TTC39A: variants seen among roughly 807,000 people sequenced by gnomAD.
TTC39A encodes tetratricopeptide repeat protein 39A.
Under a neutral mutation model 82.3 loss-of-function variants are expected in TTC39A, and 46 were observed. The ratio of observed to expected loss-of-function variants is 0.56; its 90% CI spans 0.44 to 0.71. TTC39A has a LOEUF of 0.71. TTC39A is among the 30% of genes least tolerant of loss of function. The probability of loss-of-function intolerance (pLI) is 0.00; values close to 1 mark genes in which losing one functional copy is unlikely to be tolerated. For synonymous variants in TTC39A, 254 were observed against 275.2 expected (o/e 0.92, Z 0.76); for missense variants, 543 against 712.9 (o/e 0.76, Z 2.71).
At chr1:51,332,062 CT>C (rs1645918941), upstream of TTC39A, among the ~76,000 whole-genome samples, 1 of 152,196 alleles carries the variant, frequency 6.6e-6, no homozygotes, top group Non-Finnish European at 1.5e-5. Flanking sequence ...TTTAAACATG[CT>C]GTTCCCTCTG....
At position 51,321,770 on chromosome 1, in the gene TTC39A, G is replaced by A. The variant is rs369426646; in HGVS notation, c.97C>T (p.Leu33Phe). The change falls in exon 2 of 18, where the codon CTC becomes TTC. Residue 33 changes from leucine (L) to phenylalanine (F), a missense_variant. Coordinates refer to ENST00000680483, the MANE Select transcript of TTC39A (RefSeq NM_001297663.2). This position sits in a 1 kb window ranked among gnomAD's most constrained non-coding sequence, Gnocchi z 4.6. ...ALDQCMTALD[L>F]FLTNQFSEAL... Reference sequence around the variant, plus strand: ...TCTGAGAACTGGTTGGTGAGGAAGAGGTCCAGGGCGGTCATGCACTGGTCC... The same window carrying A: ...TCTGAGAACTGGTTGGTGAGGAAGAAGTCCAGGGCGGTCATGCACTGGTCC... The A allele has an allele frequency of 1.9e-6, 3 of 1,613,860 alleles. No individual in the cohort carries two copies. The highest frequency in any genetic ancestry group is 2.5e-6 in the Non-Finnish European group (3 of 1,179,898).
chr1:51,338,456 G>C (rs1354586037), intron 1 of TTC39A, among the ~76,000 whole-genome samples: 1 of 152,064 alleles, frequency 6.6e-6, no homozygotes, highest in Non-Finnish European at 1.5e-5. Flanking sequence ...AAGGGAAAGA[G>C]AACATTCTAG....
rs550479108 is a variant in TTC39A at position 51,316,123 on chromosome 1, G to A, written c.147-3180C>T. ...TTGCTTGTTTCACCATTTCCCTGCTGGACCCTGAGAACAGCCCACGTCTTG... is the reference window on the plus strand; with the variant it reads ...TTGCTTGTTTCACCATTTCCCTGCTAGACCCTGAGAACAGCCCACGTCTTG... On this transcript the variant is annotated intron_variant, in intron 2 of 17. Transcript: ENST00000680483. 2.5e-3 allele frequency among the ~76,000 whole-genome samples: 382 copies of A among 152,212 alleles called. 1 individual carries two copies. Among genetic ancestry groups the A allele is most frequent in the South Asian group, 7.3e-3 (35 of 4,824 alleles).
chr1:51,344,701 C>T (rs1646075677), intron 1 of TTC39A, among the ~76,000 whole-genome samples: 1 of 152,246 alleles, frequency 6.6e-6, no homozygotes, highest in Non-Finnish European at 1.5e-5. Context: ...CACCTGAGGT[C>T]CTTCTCACCG....
At chr1:51,302,627 G>A (rs1365230266) in intron 9 of TTC39A, 54 bp from the exon 10 acceptor site, 3 of 1,553,732 alleles carry the variant, frequency 1.9e-6, no homozygotes, top group Non-Finnish European at 2.6e-6. Context: ...TGGCTCCTGT[G>A]ATCCTGCCAG....
intron 14 of TTC39A, among the ~76,000 whole-genome samples, chr1:51,292,766 C>A (rs1375851320): frequency 2.0e-5 from 3 of 152,100 alleles, no homozygotes; most frequent in Non-Finnish European, 4.4e-5. Flanking sequence ...GGATTCTCCC[C>A]TTCCCCCGAA....
chr1:51,343,984 G>T (rs1646066977), intron 1 of TTC39A, among the ~76,000 whole-genome samples: 2 of 152,302 alleles, frequency 1.3e-5, no homozygotes, highest in South Asian at 4.1e-4. Context: ...GACAGGAGGA[G>T]CTGGGGAAGG....
rs549820732 is a variant in TTC39A at position 51,302,001 on chromosome 1, G to C, written c.892-268C>G. The stretch of plus-strand genomic sequence containing the variant: ...TAACAAAATGAAAGAGCAGGAGAGA[G>C]CTATAATGGAGGGGAGGTACCAGAC... On this transcript the variant is annotated intron_variant, in intron 11 of 17. Transcript: ENST00000680483. 25 of 671,866 alleles carry C rather than the reference G, an allele frequency of 3.7e-5. No homozygotes were observed. The Middle Eastern group carries it at 1.2e-3, about 32-fold the overall frequency. The allele number at this position is 671,866 out of a possible 1,614,324, so 41.6% of individuals were successfully genotyped here.
chr1:51,332,943 T>A (rs1031601353), upstream of TTC39A, among the ~76,000 whole-genome samples: 3 of 152,190 alleles, frequency 2.0e-5, no homozygotes, highest in Non-Finnish European at 4.4e-5. Context: ...CTGGGCATGG[T>A]GGCTCATGCC....
At chr1:51,311,691 AGATGGACCAT>A (rs1452477576) in intron 4 of TTC39A, among the ~76,000 whole-genome samples, 1 of 152,222 alleles carries the variant, frequency 6.6e-6, no homozygotes, top group Non-Finnish European at 1.5e-5. Context: ...ACAAAGACCT[AGATGGACCAT>A]GACACCCCAG....
chr1:51,322,120 T>C, intron 1 of TTC39A: 1 of 1,552,386 alleles, frequency 6.4e-7, no homozygotes, highest in Non-Finnish European at 8.7e-7. Flanking sequence ...GATCTTACCC[T>C]CCACAAGGGT....
At position 51,343,559 on chromosome 1, in the gene TTC39A, G is replaced by A. The variant is rs906869984; in HGVS notation, c.53+1432C>T. ...ATAACATTGCCTTATTGTATGCCTC[G>A]CCCAGCATCTATTTCTGATGTTTAC... is the stretch of plus-strand genomic sequence containing the variant. On this transcript the variant is annotated intron_variant, in intron 1 of 5. Coordinates refer to the TTC39A transcript ENST00000401051. Among the ~76,000 whole-genome samples the A allele has an allele frequency of 2.6e-5, 4 of 152,070 alleles. No individual in the cohort carries two copies. The East Asian group carries it at 5.8e-4, about 22-fold the overall frequency.
chr1:51,297,583 A>C (rs1160557570), intron 12 of TTC39A: 1 of 152,346 alleles, frequency 6.6e-6, no homozygotes, highest in East Asian at 1.9e-4. Context: ...CCTGACGTGG[A>C]GACACCAAGT....
Position 51,330,365 on chromosome 1 carries a change from G to T in TTC39A, c.41+72C>A. ...GCCGGTGCGCGGGGGGAGGCCTGGC[G>T]CGGCGCCCGCCACCTGCCCGGGCCC... On this transcript the variant is annotated intron_variant, in intron 1 of 17. Coordinates refer to ENST00000680483, the MANE Select transcript of TTC39A (RefSeq NM_001297663.2). This position sits in a 1 kb window ranked among gnomAD's most constrained non-coding sequence, Gnocchi z 4.5. The T allele has an allele frequency of 1.1e-6, 1 of 942,136 alleles. No individual in the cohort carries two copies. The highest frequency in any genetic ancestry group is 1.3e-6 in the Non-Finnish European group (1 of 792,950). 58.4% of individuals were successfully genotyped at this position (942,136 alleles called of 1,614,324 possible). A position where few individuals can be genotyped will look rare whatever the true frequency, so the allele number is the denominator to read the frequency against.
intron 1 of TTC39A, chr1:51,322,150 C>T: frequency 6.4e-7 from 1 of 1,551,024 alleles, no homozygotes; most frequent in Non-Finnish European, 8.7e-7. Context: ...CTTTGTGGCC[C>T]TTCTGGCCCA....
intron 1 of TTC39A, chr1:51,322,173 G>A: frequency 6.5e-7 from 1 of 1,540,934 alleles, no homozygotes; most frequent in East Asian, 2.4e-5. Flanking sequence ...GGGCTCTGCT[G>A]CCCCCCCAGG....
Position 51,301,560 on chromosome 1 carries a change from G to C in TTC39A, c.1053+12C>G. The stretch of plus-strand genomic sequence containing the variant: ...GGTCACCCAATGCCCCTAACACGTG[G>C]CATCAGCCCACCTTGGACCAGCAGT... On this transcript the variant is annotated intron_variant, in intron 12 of 17. Transcript: ENST00000680483. 6.3e-7 allele frequency: 1 copy of C among 1,590,506 alleles called. No homozygotes were observed. Among genetic ancestry groups the C allele is most frequent in the Non-Finnish European group, 8.6e-7 (1 of 1,165,184 alleles).
chr1:51,290,129 G>A lies in TTC39A; in HGVS notation c.1379-10C>T. On this transcript the variant is annotated splice_polypyrimidine_tract_variant and intron_variant, in intron 15 of 17. Coordinates refer to ENST00000680483, the MANE Select transcript of TTC39A (RefSeq NM_001297663.2). ...ACTGAGTACTCGTTCTCTGAAAATA[G>A]GGATGTGAGGGAAAAAGACAGACTT... The A allele has an allele frequency of 6.2e-7, 1 of 1,609,290 alleles. No individual in the cohort carries two copies. The highest frequency in any genetic ancestry group is 1.1e-5 in the South Asian group (1 of 90,442).
intron 2 of TTC39A, among the ~76,000 whole-genome samples, chr1:51,320,760 G>A (rs891508762): frequency 4.0e-5 from 6 of 149,264 alleles, no homozygotes; most frequent in Non-Finnish European, 7.4e-5. Context: ...GTTAAACACT[G>A]ATTATTGATT....
Sources: allele counts gnomAD v4.1 joint callset (sites outside exome capture counted in the v4.1 genomes callset), GRCh38; gene constraint gnomAD v4.1.1; non-coding constraint Gnocchi (gnomAD v3.1); transcripts MANE v1.5; gene names NCBI Gene and HGNC (gene_info 2026-07-23, HGNC 2026-07-21).